CRHR1: variants seen among roughly 807,000 people sequenced by gnomAD.
The protein encoded by CRHR1 is corticotropin releasing hormone receptor 1, also known as corticotropin-releasing hormone receptor 1.
CRHR1 carries 28 observed loss-of-function variants against 56.0 expected under a neutral mutation model. That is an observed-to-expected ratio of 0.50 (90% confidence interval 0.37 to 0.69). The LOEUF is 0.69. Ranked by LOEUF, CRHR1 falls within the 30% of genes least tolerant of loss-of-function variation. CRHR1 has a pLI of 0.00. For synonymous variants in CRHR1, 195 were observed against 216.5 expected (o/e 0.90, Z 0.87); for missense variants, 376 against 548.0 (o/e 0.69, Z 3.13).
intron 4 of CRHR1, chr17:45,825,557 T>G (rs2143176248): frequency 6.5e-6 from 1 of 154,688 alleles, no homozygotes; most frequent in Non-Finnish European, 1.5e-5. Flanking sequence ...GGGGGTCTGG[T>G]TTGTGGACCA....
At chr17:45,832,569 G>A (rs2062338653) in intron 8 of CRHR1, among the ~76,000 whole-genome samples, 1 of 152,208 alleles carries the variant, frequency 6.6e-6, no homozygotes, top group Non-Finnish European at 1.5e-5. Flanking sequence ...CAGTTTGTCT[G>A]GTCCCCACCC....
chr17:45,803,455 C>T (rs944056533), intron 1 of CRHR1, among the ~76,000 whole-genome samples: 1 of 152,080 alleles, frequency 6.6e-6, no homozygotes, highest in African/African-American at 2.4e-5. Context: ...GGCGTGATCT[C>T]GGCTCACTGC....
intron 4 of CRHR1, among the ~76,000 whole-genome samples, chr17:45,821,867 C>T (rs1289485620): frequency 6.6e-6 from 1 of 152,168 alleles, no homozygotes; most frequent in African/African-American, 2.4e-5. Context: ...ATGGAGGTAG[C>T]AATGCAGTTT....
At chr17:45,821,760 C>G (rs1379516719) in intron 4 of CRHR1, among the ~76,000 whole-genome samples, 1 of 152,184 alleles carries the variant, frequency 6.6e-6, no homozygotes, top group Non-Finnish European at 1.5e-5. Flanking sequence ...CAAAGGGAGA[C>G]CAGACTCGGT....
chr17:45,827,919 G>A (rs1598442242), intron 4 of CRHR1: 1 of 152,234 alleles, frequency 6.6e-6, no homozygotes, highest in East Asian at 1.9e-4. Flanking sequence ...GTGGCTCTGA[G>A]AAGATGATGA....
At chr17:45,785,964 G>T (rs982032763) in intron 1 of CRHR1, among the ~76,000 whole-genome samples, 1 of 152,138 alleles carries the variant, frequency 6.6e-6, no homozygotes, top group East Asian at 1.9e-4. Context: ...AGGTGAGGAA[G>T]GTAGAAGAAA....
intron 2 of CRHR1, among the ~76,000 whole-genome samples, chr17:45,807,507 C>T (rs949202752): frequency 2.6e-5 from 4 of 152,198 alleles, no homozygotes; most frequent in African/African-American, 9.7e-5. Context: ...TAATACTCCA[C>T]GGTGCTAACC....
At chr17:45,831,431 C>T (rs2062306625) in intron 8 of CRHR1, among the ~76,000 whole-genome samples, 1 of 152,170 alleles carries the variant, frequency 6.6e-6, no homozygotes, top group Non-Finnish European at 1.5e-5. Flanking sequence ...TAGAAGTGGA[C>T]CTAGATGATC....
chr17:45,791,893 C>CA (rs1259208675), intron 1 of CRHR1, among the ~76,000 whole-genome samples: 1 of 150,714 alleles, frequency 6.6e-6, no homozygotes, highest in African/African-American at 2.4e-5. Context: ...CACGCTGGTA[C>CA]CCTGGCGAGT....
intron 2 of CRHR1, among the ~76,000 whole-genome samples, chr17:45,810,072 G>C (rs562200766): frequency 1.3e-5 from 2 of 152,122 alleles, no homozygotes; most frequent in Non-Finnish European, 2.9e-5. Context: ...TTGAGGTCAG[G>C]TGTTCGAGAC....
rs1026627311 is a variant in CRHR1 at position 45,829,261 on chromosome 17, T to C, written c.374T>C (p.Leu125Pro). 1.1e-5 allele frequency: 18 copies of C among 1,614,110 alleles called. No homozygotes were observed. Among genetic ancestry groups the C allele is most frequent in the Non-Finnish European group, 1.5e-5 (18 of 1,180,030 alleles). Reference protein sequence around the residue: ...HYHVAVIINYLGHCISLVALL... With the variant: ...HYHVAVIINYPGHCISLVALL... ...CATGTCGCAGTCATCATCAACTACC[T>C]GGGCCACTGTATCTCCCTGGTGGCC... Residue 125 changes from leucine (L) to proline (P), a missense_variant, in exon 5 of 13, where the codon CTG becomes CCG. Transcript: ENST00000314537.
At chr17:45,813,953 G>A (rs534046280) in intron 2 of CRHR1, among the ~76,000 whole-genome samples, 3 of 152,370 alleles carry the variant, frequency 2.0e-5, no homozygotes, top group South Asian at 2.1e-4. Flanking sequence ...AGCAGTGGCC[G>A]GTGCAGGTCC....
At chr17:45,830,052 C>G (rs374960077) in intron 5 of CRHR1, 42 bp from the exon 6 acceptor site, 2 of 1,612,618 alleles carry the variant, frequency 1.2e-6, no homozygotes, top group African/African-American at 1.3e-5. Context: ...CTCATCCTCT[C>G]TCTCCTATCG....
chr17:45,829,680 C>T, intron 5 of CRHR1: 1 of 1,538,752 alleles, frequency 6.5e-7, no homozygotes, highest in Non-Finnish European at 8.8e-7. Flanking sequence ...GCCAAGGATG[C>T]AGGTGGCAGA....
intron 4 of CRHR1, chr17:45,827,249 CGGCCTGACTCGGGAGTGAGGCAGGG>C (rs950507587): frequency 2.0e-5 from 3 of 152,302 alleles, no homozygotes; most frequent in African/African-American, 7.2e-5. Context: ...GGGCCCGGTA[CGGCCTGACTCGGGAGTGAGGCAGGG>C]GCCCTGGAAG....
At chr17:45,798,729 G>T (rs1285836407) in intron 1 of CRHR1, among the ~76,000 whole-genome samples, 1 of 143,044 alleles carries the variant, frequency 7.0e-6, no homozygotes, top group Non-Finnish European at 1.5e-5. Context: ...GGGAGTAGAG[G>T]CGTGAAGTAG....
chr17:45,824,004 GA>G (rs368868975), intron 4 of CRHR1, among the ~76,000 whole-genome samples: 75 of 152,330 alleles, frequency 4.9e-4, no homozygotes, highest in African/African-American at 1.7e-3. Flanking sequence ...TCTGAGCAGG[GA>G]AAGCCCTCAG....
chr17:45,829,127 C>A, intron 4 of CRHR1, 88 bp from the exon 5 acceptor site: 1 of 1,026,098 alleles, frequency 9.7e-7, no homozygotes, highest in Non-Finnish European at 1.5e-6. Context: ...TCATGACCCG[C>A]TCCATCCCAG....
chr17:45,791,199 A>T (rs1183733258), intron 1 of CRHR1, among the ~76,000 whole-genome samples: 1 of 151,924 alleles, frequency 6.6e-6, no homozygotes, highest in East Asian at 1.9e-4. Context: ...GAGACAGGGA[A>T]AAGGAGTGTG....
Sources: gnomAD v4.1 joint callset for allele counts (sites outside exome capture counted in the v4.1 genomes callset) on GRCh38, gnomAD v4.1.1 for gene constraint, MANE v1.5 for transcripts, NCBI Gene and HGNC (gene_info 2026-07-23, HGNC 2026-07-21) for gene names.